The following RABGAP1L variants were observed in gnomAD, a reference collection of about 807,000 sequenced individuals.
RABGAP1L encodes the protein RAB GTPase activating protein 1 like, also known as rab GTPase-activating protein 1-like.
Under a neutral mutation model 137.7 loss-of-function variants are expected in RABGAP1L, and 63 were observed. That is an observed-to-expected ratio of 0.46 (90% confidence interval 0.37 to 0.56). The LOEUF (loss-of-function observed/expected upper bound fraction) is 0.56. Ranked by LOEUF, RABGAP1L falls within the 20% of genes least tolerant of loss-of-function variation. The pLI is 0.00. For synonymous variants in RABGAP1L, 431 were observed against 433.7 expected, an observed-to-expected ratio of 0.99 and a Z score of 0.08; for missense variants, 1,095 against 1,244.0, an observed-to-expected ratio of 0.88 and a Z score of 1.80.
intron 10 of RABGAP1L, among the ~76,000 whole-genome samples, chr1:174,283,251 A>G (rs1402197917): frequency 2.0e-5 from 3 of 151,860 alleles, no homozygotes; most frequent in Admixed American, 2.0e-4. Context: ...AAAAAGTAAA[A>G]TAAAATTACC....
rs570457099 is a variant in RABGAP1L at position 174,946,887 on chromosome 1, C to T, written c.2341-10570C>T. Among the ~76,000 whole-genome samples the T allele has an allele frequency of 9.5e-5, 10 of 104,756 alleles. No individual in the cohort carries two copies. The South Asian group carries it at 2.7e-3, about 28-fold the overall frequency. The allele number at this position is 104,756 out of a possible 152,430, so 68.7% of individuals were successfully genotyped here. A position where few individuals can be genotyped will look rare whatever the true frequency, so the allele number is the denominator to read the frequency against. On this transcript the variant is annotated intron_variant, in intron 19 of 25. Transcript: ENST00000681986. The stretch of plus-strand genomic sequence containing the variant: ...CTTCACTCCAGCCTGGGCAAAAGAG[C>T]GAGACTCCATCTCAAAAAAAAAAAA...
chr1:174,548,478 A>T, intron 13 of RABGAP1L: 1 of 942,196 alleles, frequency 1.1e-6, no homozygotes. Flanking sequence ...TTGGAGATAA[A>T]TTTTATAACC....
At chr1:174,760,137 T>C (rs1034150130) in intron 18 of RABGAP1L, among the ~76,000 whole-genome samples, 1 of 152,174 alleles carries the variant, frequency 6.6e-6, no homozygotes, top group African/African-American at 2.4e-5. Flanking sequence ...CTCTTGACCA[T>C]TGTTGAGTCC....
chr1:174,275,796 T>A, intron 8 of RABGAP1L, 37 bp from the exon 9 acceptor site: 1 of 1,453,920 alleles, frequency 6.9e-7, no homozygotes. Flanking sequence ...ATTTTTTTGA[T>A]GTCTTTTATC....
At position 174,488,863 on chromosome 1, in the gene RABGAP1L, C is replaced by A. The variant is rs542547292; in HGVS notation, c.1710+94718C>A. Among the ~76,000 whole-genome samples, 16 of 150,984 alleles carry A rather than the reference C, an allele frequency of 1.1e-4. No homozygotes were observed. In the East Asian group the frequency reaches 3.1e-3, roughly 29 times the overall value. On this transcript the variant is annotated intron_variant, in intron 13 of 25. Coordinates refer to ENST00000681986, the MANE Select transcript of RABGAP1L (RefSeq NM_001366446.1). Reference sequence around the variant, plus strand: ...CATGTGCCATGTTAATGTGCTGCACCCATTAACTCATCATTTACATTAGGT... The same window carrying A: ...CATGTGCCATGTTAATGTGCTGCACACATTAACTCATCATTTACATTAGGT...
intron 10 of RABGAP1L, among the ~76,000 whole-genome samples, chr1:174,287,503 G>A (rs60005461): frequency 0.11 from 16,418 of 151,994 alleles, 990 homozygotes; most frequent in East Asian, 0.22. Flanking sequence ...CTTTGTTTTT[G>A]TTTTGAGAAG....
At position 174,176,741 on chromosome 1, in the gene RABGAP1L, A is replaced by AAATAAAATAAAAT. The variant is rs1553248317; in HGVS notation, c.-34+17086_-34+17087insTAAAATAAAATAA. ...AAAAAAAAAAAAAAAAAAAAAAAAA[A>AAATAAAATAAAAT]AAAAAGGTCAACATTTGTTAATACT... On this transcript the variant is annotated intron_variant, in intron 1 of 25. Coordinates refer to ENST00000681986, the MANE Select transcript of RABGAP1L (RefSeq NM_001366446.1). Among the ~76,000 whole-genome samples the AAATAAAATAAAAT allele has an allele frequency of 1.6e-3, 178 of 111,770 alleles. 10 individuals carry two copies. The highest frequency in any genetic ancestry group is 3.2e-3 in the Admixed American group (31 of 9,736). 73.3% of individuals were successfully genotyped at this position (111,770 alleles called of 152,430 possible).
chr1:174,628,867 T>G (rs1404130700), intron 13 of RABGAP1L, among the ~76,000 whole-genome samples: 1 of 152,222 alleles, frequency 6.6e-6, no homozygotes, highest in African/African-American at 2.4e-5. Flanking sequence ...TATGGGAATC[T>G]TCTCAGAAAA....
At chr1:174,555,231 G>A (rs536243480) in intron 13 of RABGAP1L, among the ~76,000 whole-genome samples, 93 of 152,230 alleles carry the variant, frequency 6.1e-4, no homozygotes, top group African/African-American at 1.9e-3. Context: ...TGTATGCCAA[G>A]GTACAAATTA....
chr1:174,826,501 C>T (rs887881097), intron 19 of RABGAP1L, among the ~76,000 whole-genome samples: 2 of 152,138 alleles, frequency 1.3e-5, no homozygotes, highest in African/African-American at 2.4e-5. Context: ...AGATTACAAG[C>T]GTGAGCCACC....
chr1:174,265,179 C>T, intron 7 of RABGAP1L, among the ~76,000 whole-genome samples: 1 of 152,062 alleles, frequency 6.6e-6, no homozygotes, highest in East Asian at 1.9e-4. Context: ...TGTAAAAATA[C>T]TTGTAAATTA....
At chr1:174,695,997 G>C (rs1471645253) in intron 15 of RABGAP1L, among the ~76,000 whole-genome samples, 2 of 151,970 alleles carry the variant, frequency 1.3e-5, no homozygotes, top group African/African-American at 4.8e-5. Flanking sequence ...TGAGGAGCAG[G>C]GTGACACAAG....
chr1:174,650,595 C>T, intron 14 of RABGAP1L, among the ~76,000 whole-genome samples: 1 of 152,036 alleles, frequency 6.6e-6, no homozygotes, highest in Admixed American at 6.6e-5. Flanking sequence ...TTATCCATTT[C>T]TTCTAGATTT....
At chr1:174,620,766 G>A (rs947318725) in intron 13 of RABGAP1L, among the ~76,000 whole-genome samples, 3 of 152,008 alleles carry the variant, frequency 2.0e-5, no homozygotes, top group Admixed American at 6.6e-5. Flanking sequence ...CTAGCGGAAG[G>A]CAAAATATAA....
In RABGAP1L at chr1:174,991,035, T is replaced by C. The variant is rs768859358; in HGVS notation, c.*1034T>C. The C allele has an allele frequency of 5.3e-5, 8 of 152,218 alleles. No homozygotes were observed. The highest frequency in any genetic ancestry group is 1.0e-4 in the Non-Finnish European group (7 of 68,030). 9.4% of individuals were successfully genotyped at this position (152,218 alleles called of 1,614,324 possible). A position where few individuals can be genotyped will look rare whatever the true frequency, so the allele number is the denominator to read the frequency against. Reference sequence around the variant, plus strand: ...TAGTTTAATGCTGGGCAACTTTTTCTGATTTCTGTAGTTCCCTGAAAATGT... The same window carrying C: ...TAGTTTAATGCTGGGCAACTTTTTCCGATTTCTGTAGTTCCCTGAAAATGT... On this transcript the variant is annotated 3_prime_UTR_variant, in exon 26 of 26. Coordinates refer to ENST00000681986, the MANE Select transcript of RABGAP1L (RefSeq NM_001366446.1).
chr1:174,327,444 G>A (rs902974853), intron 11 of RABGAP1L, among the ~76,000 whole-genome samples: 1 of 151,904 alleles, frequency 6.6e-6, no homozygotes, highest in African/African-American at 2.4e-5. Context: ...TAATATAACT[G>A]TAAGATGTTT....
At chr1:174,598,762 C>T (rs1393570578) in intron 13 of RABGAP1L, among the ~76,000 whole-genome samples, 1 of 151,800 alleles carries the variant, frequency 6.6e-6, no homozygotes, top group African/African-American at 2.4e-5. Flanking sequence ...TATCTTTTCC[C>T]ATTCCTTTAT....
rs938798049 is a variant in RABGAP1L at position 174,994,003 on chromosome 1, A to G, written c.*4002A>G. ...CAACCAAATACACATTGAGATTTCA[A>G]GAAATGATGATGAAAGCCAGAAGGC... On this transcript the variant is annotated 3_prime_UTR_variant, in exon 26 of 26. Coordinates refer to ENST00000681986, the MANE Select transcript of RABGAP1L (RefSeq NM_001366446.1). 4 of 152,228 alleles carry G rather than the reference A, an allele frequency of 2.6e-5. No individual in the cohort carries two copies. Among genetic ancestry groups the G allele is most frequent in the Non-Finnish European group, 5.9e-5 (4 of 68,042 alleles). The allele number at this position is 152,228 out of a possible 1,614,324, so 9.4% of individuals were successfully genotyped here. A position where few individuals can be genotyped will look rare whatever the true frequency, so the allele number is the denominator to read the frequency against.
chr1:174,576,408 G>C (rs2148068013), intron 13 of RABGAP1L, among the ~76,000 whole-genome samples: 1 of 152,204 alleles, frequency 6.6e-6, no homozygotes, highest in South Asian at 2.1e-4. Context: ...ATGAACATCT[G>C]CTTTTCTGGG....
Sources: allele counts gnomAD v4.1 joint callset (sites outside exome capture counted in the v4.1 genomes callset), GRCh38; gene constraint gnomAD v4.1.1; transcripts MANE v1.5; gene names NCBI Gene and HGNC (gene_info 2026-07-23, HGNC 2026-07-21).